Variants in FOXN3 observed in about 807,000 individuals in gnomAD.
FOXN3 encodes the protein forkhead box protein N3.
Under a neutral mutation model 38.4 loss-of-function variants are expected in FOXN3, and 7 were observed. The observed-to-expected ratio is 0.18, with a 90% CI of 0.10 to 0.34. FOXN3 has a LOEUF of 0.34. FOXN3 is among the 10% of genes least tolerant of loss of function. The pLI, the probability that FOXN3 is intolerant of heterozygous loss-of-function variation, is 1.00. For synonymous variants in FOXN3, 230 were observed against 242.2 expected (o/e 0.95, Z 0.47); for missense variants, 456 against 613.4 (o/e 0.74, Z 2.71).
chr14:89,536,569 CA>C (rs1261567945), intron 1 of FOXN3, among the ~76,000 whole-genome samples: 1 of 152,062 alleles, frequency 6.6e-6, no homozygotes, highest in African/African-American at 2.4e-5. Context: ...ATCACGAGGT[CA>C]GGAGTTCAAG....
Position 89,161,556 on chromosome 14 carries a change from C to CGCGTGTGTGTGT in FOXN3, c.*857_*858insACACACACACGC, listed in dbSNP as rs745674099. 1.8e-5 allele frequency: 2 copies of CGCGTGTGTGTGT among 109,390 alleles called. No homozygotes were observed. Among genetic ancestry groups the CGCGTGTGTGTGT allele is most frequent in the African/African-American group, 6.2e-5 (2 of 32,510 alleles). 6.8% of individuals were successfully genotyped at this position (109,390 alleles called of 1,614,324 possible). On this transcript the variant is annotated 3_prime_UTR_variant, in exon 6 of 6. Transcript: ENST00000557258. ...CCATCAGTTTTCTCTCTCTCTCCTTCGTGTGTGTGTGTGTGTGTGTGTGTG... is the reference window on the plus strand; with the variant it reads ...CCATCAGTTTTCTCTCTCTCTCCTTCGCGTGTGTGTGTGTGTGTGTGTGTGTGTGTGTGTGTG...
chr14:89,443,881 TG>T (rs999434394), intron 1 of FOXN3, among the ~76,000 whole-genome samples: 3 of 151,900 alleles, frequency 2.0e-5, no homozygotes, highest in Non-Finnish European at 4.4e-5. Context: ...TGGTGGTGCA[TG>T]CCTGTAATCC....
In FOXN3 at chr14:89,379,975, C is replaced by T. The variant is rs188256531; in HGVS notation, c.544-29167G>A. 5.2e-3 allele frequency among the ~76,000 whole-genome samples: 797 copies of T among 152,288 alleles called. 5 individuals are homozygous for T. The highest frequency in any genetic ancestry group is 8.9e-3 in the Non-Finnish European group (604 of 68,026). ...TGTGCCTGGCCAAGCTCAATTCAAA[C>T]GCAGAATAACAGTACCTTTTCCCAT... On this transcript the variant is annotated intron_variant, in intron 2 of 5. Coordinates refer to ENST00000557258, the MANE Select transcript of FOXN3 (RefSeq NM_005197.4).
intron 1 of FOXN3, among the ~76,000 whole-genome samples, chr14:89,525,593 C>A (rs1048103928): frequency 2.9e-5 from 4 of 139,728 alleles, no homozygotes; most frequent in Non-Finnish European, 4.6e-5. Flanking sequence ...AGTAGCCATT[C>A]TTTATTCCCT....
chr14:89,591,963 C>G (rs927598084), intron 1 of FOXN3, among the ~76,000 whole-genome samples: 1 of 151,974 alleles, frequency 6.6e-6, no homozygotes, highest in Admixed American at 6.6e-5. Flanking sequence ...ACAAGAAACT[C>G]AAAGGAAACA....
chr14:89,255,238 G>A (rs552901013), intron 4 of FOXN3, among the ~76,000 whole-genome samples: 10 of 152,286 alleles, frequency 6.6e-5, no homozygotes, highest in Admixed American at 3.3e-4. Flanking sequence ...ATGAGCCCAC[G>A]TTGCCACTTT....
chr14:89,306,935 T>A (rs1224671471), intron 3 of FOXN3, among the ~76,000 whole-genome samples: 1 of 152,258 alleles, frequency 6.6e-6, no homozygotes, highest in African/African-American at 2.4e-5. Context: ...CACTTGTTTA[T>A]GTGTACGTCT....
chr14:89,597,836 T>C (rs762510795), intron 1 of FOXN3, among the ~76,000 whole-genome samples: 1 of 152,182 alleles, frequency 6.6e-6, no homozygotes, highest in Non-Finnish European at 1.5e-5. Context: ...TATGTCTCTT[T>C]AAAGCATAGT....
chr14:89,189,210 C>T (rs1000833856), intron 4 of FOXN3, among the ~76,000 whole-genome samples: 46 of 152,268 alleles, frequency 3.0e-4, no homozygotes, highest in African/African-American at 8.9e-4. Context: ...GGGGCTATGA[C>T]GGATGGCCTG....
At chr14:89,201,682 T>C (rs374585164) in intron 4 of FOXN3, among the ~76,000 whole-genome samples, 1 of 152,228 alleles carries the variant, frequency 6.6e-6, no homozygotes, top group Admixed American at 6.5e-5. Context: ...GGACCACCAG[T>C]GCATCTTTCT....
At chr14:89,192,289 AT>A (rs1482246553) in intron 4 of FOXN3, among the ~76,000 whole-genome samples, 1 of 146,430 alleles carries the variant, frequency 6.8e-6, no homozygotes, top group Non-Finnish European at 1.5e-5. Flanking sequence ...TATATACTAT[AT>A]AATAAACTAT....
intron 1 of FOXN3, among the ~76,000 whole-genome samples, chr14:89,532,681 T>C (rs202243379): frequency 6.6e-6 from 1 of 152,220 alleles, no homozygotes; most frequent in Non-Finnish European, 1.5e-5. Flanking sequence ...AGAATGATAT[T>C]GGCAAGTTGA....
rs896770352 is a variant in FOXN3 at position 89,163,053 on chromosome 14, C to T, written c.852-84G>A. On this transcript the variant is annotated intron_variant, in intron 5 of 5. Transcript: ENST00000557258. The surrounding 1 kb of genome is among the most constrained non-coding windows in gnomAD (Gnocchi z 4.3). ...CCTCAGATGGGGGCACCCGGCAGCC[C>T]GCCTGCATTCAACCATCAGTCCCTT... is the stretch of plus-strand genomic sequence containing the variant. 25 of 1,269,424 alleles carry T rather than the reference C, an allele frequency of 2.0e-5. No homozygotes were observed. Among genetic ancestry groups the T allele is most frequent in the Non-Finnish European group, 2.3e-5 (22 of 952,322 alleles). The allele number at this position is 1,269,424 out of a possible 1,614,324, so 78.6% of individuals were successfully genotyped here.
At chr14:89,253,765 T>A (rs563135917) in intron 4 of FOXN3, among the ~76,000 whole-genome samples, 1 of 152,282 alleles carries the variant, frequency 6.6e-6, no homozygotes, top group Admixed American at 6.5e-5. Flanking sequence ...TAGCCATCAC[T>A]GCGTTTTTCA....
intron 4 of FOXN3, among the ~76,000 whole-genome samples, chr14:89,238,321 T>C (rs1205602894): frequency 6.6e-6 from 1 of 152,210 alleles, no homozygotes; most frequent in Non-Finnish European, 1.5e-5. Context: ...CTTGACTGGA[T>C]CAAACTGATG....
chr14:89,466,733 T>A (rs1460443664), intron 1 of FOXN3, among the ~76,000 whole-genome samples: 1 of 152,176 alleles, frequency 6.6e-6, no homozygotes, highest in African/African-American at 2.4e-5. Flanking sequence ...GAGAATTACA[T>A]GGGACTTGGG....
intron 4 of FOXN3, among the ~76,000 whole-genome samples, chr14:89,198,832 GA>G (rs1888163404): frequency 2.0e-5 from 3 of 152,358 alleles, no homozygotes; most frequent in Admixed American, 6.5e-5. Context: ...GTATGATCAA[GA>G]AAAGCAGCTC....
Position 89,163,812 on chromosome 14 carries a change from G to A in FOXN3, c.852-843C>T, listed in dbSNP as rs143408540. On this transcript the variant is annotated intron_variant, in intron 5 of 5. Coordinates refer to ENST00000557258, the MANE Select transcript of FOXN3 (RefSeq NM_005197.4). This position sits in a 1 kb window ranked among gnomAD's most constrained non-coding sequence, Gnocchi z 4.3. ...GTGATGTACTTAAAGTCACACAACT[G>A]ATCACTTGCGGAGCAGGGACTGGAA... Among the ~76,000 whole-genome samples, 118 of 152,288 alleles carry A rather than the reference G, an allele frequency of 7.7e-4. No homozygotes were observed. The highest frequency in any genetic ancestry group is 2.7e-3 in the African/African-American group (112 of 41,552).
chr14:89,194,621 G>A (rs1270449149), intron 4 of FOXN3, among the ~76,000 whole-genome samples: 2 of 151,540 alleles, frequency 1.3e-5, no homozygotes, highest in African/African-American at 4.9e-5. Flanking sequence ...CCTCTCCAAA[G>A]ATAAGAGATA....
Sources: allele counts gnomAD v4.1 joint callset (sites outside exome capture counted in the v4.1 genomes callset), GRCh38; gene constraint gnomAD v4.1.1; non-coding constraint Gnocchi (gnomAD v3.1); transcripts MANE v1.5; gene names NCBI Gene and HGNC (gene_info 2026-07-23, HGNC 2026-07-21).